PSG2: variants seen among roughly 807,000 people sequenced by gnomAD.
PSG2 encodes pregnancy specific beta-1-glycoprotein 2.
Under a neutral mutation model 36.2 loss-of-function variants are expected in PSG2, and 49 were observed. The observed-to-expected ratio is 1.35, with a 90% CI of 1.08 to 1.72. The LOEUF (loss-of-function observed/expected upper bound fraction) is 1.72. Ranked by LOEUF, PSG2 falls within the 40% of genes most tolerant of loss-of-function variation. PSG2 has a pLI of 0.00. For synonymous variants in PSG2, 261 were observed against 155.6 expected, an observed-to-expected ratio of 1.68 and a Z score of -5.04; for missense variants, 605 against 407.2, an observed-to-expected ratio of 1.49 and a Z score of -4.18.
chr19:43,077,792 C>T (rs1462617694), intron 2 of PSG2, among the ~76,000 whole-genome samples: 3 of 151,776 alleles, frequency 2.0e-5, no homozygotes, highest in Non-Finnish European at 2.9e-5. Context: ...TCAGTTGTTC[C>T]ACTTTTTCTT....
intron 4 of PSG2, among the ~76,000 whole-genome samples, chr19:43,068,344 A>T (rs1967770128): frequency 6.6e-6 from 1 of 151,216 alleles, no homozygotes; most frequent in African/African-American, 2.4e-5. Flanking sequence ...GAGGCTGAAG[A>T]AGGAGAATTG....
chr19:43,081,068 T>G lies in PSG2; in HGVS notation c.243A>C (p.Ser81=). ...QIRDLYHYIT[S]YVVDGQIIIY... is the part of the protein sequence containing the mutation. ...TAATTATTTGACCGTCTACTACATATGATGTAATGTAATGGTAGAGGTCCC... is the reference window on the plus strand; with the variant it reads ...TAATTATTTGACCGTCTACTACATAGGATGTAATGTAATGGTAGAGGTCCC... Residue 81 remains serine (S), a synonymous_variant, in exon 2 of 6, where the codon TCA becomes TCC. Coordinates refer to ENST00000406487, the MANE Select transcript of PSG2 (RefSeq NM_031246.4). The G allele has an allele frequency of 1.2e-6, 2 of 1,612,814 alleles. No homozygotes were observed. The highest frequency in any genetic ancestry group is 1.7e-6 in the Non-Finnish European group (2 of 1,179,626).
chr19:43,065,418 C>T (rs1049157031), intron 5 of PSG2: 16 of 151,720 alleles, frequency 1.1e-4, no homozygotes, highest in African/African-American at 3.6e-4. Flanking sequence ...CCTATTGCAA[C>T]AGGAGTTCTC....
chr19:43,079,299 C>T (rs1201753598), intron 2 of PSG2, among the ~76,000 whole-genome samples: 1 of 151,390 alleles, frequency 6.6e-6, no homozygotes, highest in Non-Finnish European at 1.5e-5. Context: ...GCCCTGAGAA[C>T]CCTCTGGTGG....
chr19:43,069,947 A>C (rs891316866), intron 4 of PSG2, among the ~76,000 whole-genome samples: 2 of 151,804 alleles, frequency 1.3e-5, no homozygotes, highest in Non-Finnish European at 2.9e-5. Flanking sequence ...TGTGATAAGA[A>C]ATTAATTTCC....
intron 3 of PSG2, chr19:43,072,598 G>T (rs897575467): frequency 1.4e-5 from 22 of 1,611,484 alleles, no homozygotes; most frequent in Non-Finnish European, 1.9e-5. Flanking sequence ...GGTTTAAGTT[G>T]TTGATGGTGA....
chr19:43,064,623 G>C (rs571654246), intron 5 of PSG2, 22 bp from the exon 6 acceptor site: 68 of 622,650 alleles, frequency 1.1e-4, no homozygotes, highest in Middle Eastern at 2.5e-4. Context: ...AGCAATTTTG[G>C]ACTGTAGGTG....
chr19:43,077,588 A>C (rs1191121292), intron 2 of PSG2, among the ~76,000 whole-genome samples: 1 of 151,698 alleles, frequency 6.6e-6, no homozygotes, highest in East Asian at 1.9e-4. Flanking sequence ...TGAAAACGGC[A>C]TCATCATGAG....
intron 2 of PSG2, among the ~76,000 whole-genome samples, chr19:43,076,826 A>AT (rs11448764): frequency 0.3 from 44,641 of 151,094 alleles, 8,680 homozygotes; most frequent in African/African-American, 0.53. Context: ...TGGATTTCTA[A>AT]TTTTTTTATT....
chr19:43,071,800 G>A lies in PSG2; in HGVS notation c.864C>T (p.Ile288=), dbSNP rs76418288. The change falls in exon 4 of 6, where the codon ATC becomes ATT. Residue 288 remains isoleucine (I), a synonymous_variant. Coordinates refer to ENST00000406487, the MANE Select transcript of PSG2 (RefSeq NM_031246.4). The part of the protein sequence containing the change: ...KFQQSGQNLF[I]PQITTKHSGL... ...CGCTATGCTTTGTAGTAATTTGGGGGATAAACAGATTTTGTCCTGATTGCT... is the reference window on the plus strand; with the variant it reads ...CGCTATGCTTTGTAGTAATTTGGGGAATAAACAGATTTTGTCCTGATTGCT... 163 of 1,612,906 alleles carry A rather than the reference G, an allele frequency of 1.0e-4. 6 individuals are homozygous for A. The African/African-American group carries it at 1.7e-3, about 17-fold the overall frequency.
chr19:43,073,257 A>G (rs1449025279), intron 3 of PSG2, among the ~76,000 whole-genome samples: 2 of 151,780 alleles, frequency 1.3e-5, no homozygotes, highest in Admixed American at 6.6e-5. Flanking sequence ...ACTTACTTGA[A>G]CCAGTGACCT....
chr19:43,064,680 CAG>C (rs2122890073), intron 5 of PSG2, 79 bp from the exon 6 acceptor site: 1 of 526,042 alleles, frequency 1.9e-6, no homozygotes, highest in East Asian at 3.8e-5. Flanking sequence ...CTGGGAATGA[CAG>C]AGATTTAAAC....
chr19:43,081,649 C>A (rs1302406132), intron 1 of PSG2: 1 of 204,408 alleles, frequency 4.9e-6, no homozygotes, highest in Admixed American at 5.2e-5. Flanking sequence ...CTGCTCTGCT[C>A]CCTAAAGGGT....
At chr19:43,068,067 A>G (rs1427845313) in intron 4 of PSG2, among the ~76,000 whole-genome samples, 1 of 151,544 alleles carries the variant, frequency 6.6e-6, no homozygotes, top group Non-Finnish European at 1.5e-5. Context: ...CTTCAAAATA[A>G]AATCAACAAA....
chr19:43,076,947 G>T (rs1054272649), intron 2 of PSG2, among the ~76,000 whole-genome samples: 6 of 142,288 alleles, frequency 4.2e-5, no homozygotes, highest in East Asian at 3.9e-4. Flanking sequence ...TGGTCAGAAG[G>T]GTTGAGTTTT....
intron 2 of PSG2, among the ~76,000 whole-genome samples, chr19:43,077,429 A>C (rs1967912722): frequency 6.6e-6 from 1 of 151,788 alleles, no homozygotes; most frequent in African/African-American, 2.4e-5. Context: ...AAAAATGGGG[A>C]GGACCCCAAA....
chr19:43,071,980 G>A (rs759666275), intron 3 of PSG2, 26 bp from the exon 4 acceptor site: 55 of 1,607,776 alleles, frequency 3.4e-5, no homozygotes, highest in Non-Finnish European at 4.5e-5. Flanking sequence ...TAAAGCCACA[G>A]GTGATGCCAT....
At position 43,064,542 on chromosome 19, in the gene PSG2, C is replaced by T. The variant is rs188521122; in HGVS notation, c.*100G>A. The T allele has an allele frequency of 2.7e-3, 1,831 of 669,140 alleles. 21 individuals carry two copies. The highest frequency in any genetic ancestry group is 7.5e-3 in the Middle Eastern group (31 of 4,134). The allele number at this position is 669,140 out of a possible 1,614,324, so 41.5% of individuals were successfully genotyped here. A position where few individuals can be genotyped will look rare whatever the true frequency, so the allele number is the denominator to read the frequency against. On this transcript the variant is annotated 3_prime_UTR_variant, in exon 6 of 6. Coordinates refer to ENST00000406487, the MANE Select transcript of PSG2 (RefSeq NM_031246.4). The stretch of plus-strand genomic sequence containing the variant: ...AAAGTTCTTAGTCCAGTGGTATGAT[C>T]TTGAAGTTATCAGGAGCTTGTATTC...
chr19:43,071,883 A>G lies in PSG2; in HGVS notation c.781T>C (p.Cys261Arg). The G allele has an allele frequency of 6.2e-7, 1 of 1,613,044 alleles. No homozygotes were observed. The highest frequency in any genetic ancestry group is 1.1e-5 in the South Asian group (1 of 91,036). The change falls in exon 4 of 6, where the codon TGC becomes CGC. Residue 261 changes from cysteine (C) to arginine (R), a missense_variant. Physicochemically the swap from Cys to Arg is radical, Grantham distance 180. Transcript: ENST00000406487. ...GCCGGTGGGTTAGAGTTCGCGAAGC[A>G]AGACAAGTAGAGGTTATCTCCTGAA... ...YRSGDNLYLS[C>R]FANSNPPAQY... is the part of the protein sequence containing the mutation.
Sources: allele counts gnomAD v4.1 joint callset (sites outside exome capture counted in the v4.1 genomes callset), GRCh38; gene constraint gnomAD v4.1.1; transcripts MANE v1.5; gene names NCBI Gene and HGNC (gene_info 2026-07-23, HGNC 2026-07-21).